MISFA: variants seen among roughly 807,000 people sequenced by gnomAD.
The protein encoded by MISFA is mitochondrial sheath formation associated.
the MISFA span, among the ~76,000 whole-genome samples, chr11:18,606,192 TTC>T: frequency 3.9e-5 from 6 of 152,158 alleles, no homozygotes; most frequent in Non-Finnish European, 7.3e-5. Flanking sequence ...AGCAGAACAG[TTC>T]TCTAAGCTGG....
chr11:18,604,844 C>T, the MISFA span, among the ~76,000 whole-genome samples: 1 of 152,170 alleles, frequency 6.6e-6, no homozygotes, highest in African/African-American at 2.4e-5. Context: ...AGATTAAGAT[C>T]CAGGCCTTCT....
the MISFA span, among the ~76,000 whole-genome samples, chr11:18,605,655 CT>C: frequency 6.6e-6 from 1 of 152,156 alleles, no homozygotes; most frequent in Non-Finnish European, 1.5e-5. Context: ...GAGTTAAGTA[CT>C]TACATCCTCT....
chr11:18,601,446 C>CTT, the MISFA span: 341 of 373,108 alleles, frequency 9.1e-4, no homozygotes, highest in South Asian at 1.3e-3. Context: ...TAATAGCATT[C>CTT]TTTTTTTTTT....
the MISFA span, chr11:18,601,372 T>G: frequency 7.5e-6 from 3 of 398,056 alleles, no homozygotes; most frequent in Non-Finnish European, 1.3e-5. Flanking sequence ...CTCATAGGTG[T>G]TGTTTTGAAG....
At chr11:18,601,416 A>G in the MISFA span, 4 of 396,218 alleles carry the variant, frequency 1.0e-5, no homozygotes, top group South Asian at 1.3e-4. Flanking sequence ...TCCTCACAAC[A>G]CTGTAATATA....
the MISFA span, chr11:18,603,917 C>CTT: frequency 0.58 from 30,757 of 52,716 alleles, 14,201 homozygotes; most frequent in Non-Finnish European, 0.69. Context: ...AGTTACCGCA[C>CTT]TTTTTTTTTT....
the MISFA span, chr11:18,602,483 T>C: frequency 6.5e-6 from 1 of 152,776 alleles, no homozygotes; most frequent in Non-Finnish European, 1.5e-5. Context: ...TGTGCCTCAC[T>C]TTCTCCAGCT....
At chr11:18,602,424 A>G in the MISFA span, 1 of 152,580 alleles carries the variant, frequency 6.6e-6, no homozygotes, top group Non-Finnish European at 1.5e-5. Context: ...CATTAGCCCA[A>G]AGCAGTCAGA....
At chr11:18,603,102 C>A in the MISFA span, 1 of 399,022 alleles carries the variant, frequency 2.5e-6, no homozygotes, top group South Asian at 1.3e-4. Context: ...GGTACACCAC[C>A]AGCTGAGAAA....
chr11:18,601,805 C>G, the MISFA span: 1 of 341,548 alleles, frequency 2.9e-6, no homozygotes, highest in Middle Eastern at 7.7e-4. Context: ...TTTCTAGCTA[C>G]GTGACCTTGG....
At chr11:18,602,197 C>T in the MISFA span, 1 of 152,188 alleles carries the variant, frequency 6.6e-6, no homozygotes, top group Non-Finnish European at 1.5e-5. Context: ...TAACGTTTCA[C>T]CCCATTTCAT....
the MISFA span, among the ~76,000 whole-genome samples, chr11:18,604,206 G>A: frequency 3.3e-5 from 5 of 151,970 alleles, no homozygotes; most frequent in Admixed American, 6.6e-5. Context: ...GATTACAGGC[G>A]TGAGCCAATG....
chr11:18,605,374 TA>T, the MISFA span, among the ~76,000 whole-genome samples: 1 of 152,212 alleles, frequency 6.6e-6, no homozygotes, highest in Admixed American at 6.5e-5. Flanking sequence ...TATGGAACTG[TA>T]CCCATTCTGA....
chr11:18,604,277 C>G, the MISFA span, among the ~76,000 whole-genome samples: 8 of 152,070 alleles, frequency 5.3e-5, no homozygotes, highest in Non-Finnish European at 8.8e-5. Context: ...TAGCTTGTAA[C>G]AGAGAGACAG....
chr11:18,602,390 T>C, the MISFA span: 3 of 152,684 alleles, frequency 2.0e-5, no homozygotes, highest in Non-Finnish European at 4.4e-5. Flanking sequence ...TTTATCTCCA[T>C]CTGCCCCAGG....
chr11:18,600,157 G>A, the MISFA span, among the ~76,000 whole-genome samples: 9 of 152,022 alleles, frequency 5.9e-5, no homozygotes, highest in Non-Finnish European at 1.3e-4. Flanking sequence ...AGGCTACCGG[G>A]CTACTTCCCA....
chr11:18,600,597 T>TGCAA, the MISFA span, among the ~76,000 whole-genome samples: 1 of 141,200 alleles, frequency 7.1e-6, no homozygotes, highest in East Asian at 2.2e-4. Context: ...CTCGGCTCAC[T>TGCAA]GCAAGCTCTG....
the MISFA span, chr11:18,609,717 G>T: frequency 1.5e-6 from 1 of 674,656 alleles, no homozygotes; most frequent in South Asian, 1.9e-5. Flanking sequence ...ATGCTCAAAT[G>T]ACAGCCTGCA....
the MISFA span, chr11:18,609,151 C>T: frequency 2.0e-5 from 3 of 152,146 alleles, no homozygotes; most frequent in Non-Finnish European, 4.4e-5. Context: ...GCCAACATAA[C>T]AGTAAATCTG....
Sources: gnomAD v4.1 joint callset for allele counts (sites outside exome capture counted in the v4.1 genomes callset) on GRCh38, gnomAD v4.1.1 for gene constraint, MANE v1.5 for transcripts, NCBI Gene and HGNC (gene_info 2026-07-23, HGNC 2026-07-21) for gene names.